PRUNE2: variants seen among roughly 807,000 people sequenced by gnomAD.
The protein encoded by PRUNE2 is protein prune homolog 2.
A neutral mutation model predicts 252.0 loss-of-function variants in PRUNE2; 164 were observed. The observed-to-expected ratio is 0.65, with a 90% CI of 0.57 to 0.74. The LOEUF is 0.74. PRUNE2 is among the 30% of genes least tolerant of loss of function. PRUNE2 has a pLI of 0.00. For synonymous variants in PRUNE2, 1,292 were observed against 1,350.2 expected, an observed-to-expected ratio of 0.96 and a Z score of 0.94; for missense variants, 3,495 against 3,711.0, an observed-to-expected ratio of 0.94 and a Z score of 1.51.
intron 18 of PRUNE2, among the ~76,000 whole-genome samples, chr9:76,616,767 A>T (rs1208527642): frequency 6.6e-6 from 1 of 152,164 alleles, no homozygotes. Flanking sequence ...GAGAACAGCA[A>T]CGTTGTGGAG....
intron 6 of PRUNE2, among the ~76,000 whole-genome samples, chr9:76,806,674 A>ATT (rs750726403): frequency 0.051 from 6,884 of 134,744 alleles, 259 homozygotes; most frequent in Non-Finnish European, 0.069. Context: ...CGCCCGGCTA[A>ATT]TTTTTTTTTT....
At chr9:76,870,750 G>A (rs2061150619) in intron 1 of PRUNE2, among the ~76,000 whole-genome samples, 1 of 151,542 alleles carries the variant, frequency 6.6e-6, no homozygotes, top group Non-Finnish European at 1.5e-5. Flanking sequence ...GATGTTGACA[G>A]TAAGATGTGG....
chr9:76,780,430 G>A (rs1228561991), intron 6 of PRUNE2, among the ~76,000 whole-genome samples: 2 of 152,156 alleles, frequency 1.3e-5, no homozygotes, highest in African/African-American at 4.8e-5. Context: ...GCTCACGCCT[G>A]TAATCCCAGC....
chr9:76,760,295 T>C (rs1387575945), intron 6 of PRUNE2, among the ~76,000 whole-genome samples: 1 of 152,184 alleles, frequency 6.6e-6, no homozygotes, highest in Non-Finnish European at 1.5e-5. Flanking sequence ...ACACACCAGC[T>C]ACTTCCCTGG....
intron 1 of PRUNE2, among the ~76,000 whole-genome samples, chr9:76,870,731 G>A (rs2061148780): frequency 6.6e-6 from 1 of 151,742 alleles, no homozygotes; most frequent in Non-Finnish European, 1.5e-5. Flanking sequence ...TCCAGATGTG[G>A]TGGTAGGGGA....
At chr9:76,667,000 C>G (rs996356942) in intron 9 of PRUNE2, among the ~76,000 whole-genome samples, 2 of 152,036 alleles carry the variant, frequency 1.3e-5, no homozygotes, top group Admixed American at 1.3e-4. Context: ...GAGCCAAGAT[C>G]GCATCATTAC....
Position 76,763,592 on chromosome 9 carries a change from TC to T in PRUNE2, c.757-49872del, listed in dbSNP as rs138930420. Among the ~76,000 whole-genome samples the T allele has an allele frequency of 9.7e-3, 1,482 of 152,274 alleles. 11 individuals are homozygous for T. The highest frequency in any genetic ancestry group is 0.013 in the Non-Finnish European group (904 of 68,016). ...AACAGATGAAGTTTCATATCCCCCG[TC>T]CCCAAGAGAGGATCTGGTGTCGTCT... is the stretch of plus-strand genomic sequence containing the variant. On this transcript the variant is annotated intron_variant, in intron 6 of 18. Transcript: ENST00000376718.
intron 9 of PRUNE2, among the ~76,000 whole-genome samples, chr9:76,666,826 T>C (rs544187083): frequency 2.0e-5 from 3 of 152,288 alleles, no homozygotes; most frequent in African/African-American, 7.2e-5. Context: ...CCACTGACCC[T>C]GTGGGGCTGG....
At chr9:76,837,773 ATTT>A (rs72342125) in intron 4 of PRUNE2, among the ~76,000 whole-genome samples, 6 of 138,368 alleles carry the variant, frequency 4.3e-5, no homozygotes, top group South Asian at 2.3e-4. Flanking sequence ...ACCAAATACT[ATTT>A]TTTTTTTTTT....
chr9:76,719,297 T>C (rs573462191), intron 6 of PRUNE2, among the ~76,000 whole-genome samples: 6 of 151,764 alleles, frequency 4.0e-5, no homozygotes, highest in African/African-American at 1.4e-4. Flanking sequence ...TATAAATCAA[T>C]GAAAAAAGGA....
intron 6 of PRUNE2, among the ~76,000 whole-genome samples, chr9:76,722,373 A>T (rs2047724382): frequency 1.3e-5 from 2 of 151,716 alleles, no homozygotes; most frequent in South Asian, 2.1e-4. Context: ...CCCAGCCTAC[A>T]CTCTATTGTT....
chr9:76,691,864 G>A (rs957427087), intron 9 of PRUNE2: 1 of 559,630 alleles, frequency 1.8e-6, no homozygotes. Context: ...ACGACCACAA[G>A]CTTTTCTAGG....
rs372152771 is a variant in PRUNE2 at position 76,822,679 on chromosome 9, C to T, written c.756+953G>A. 7.9e-5 allele frequency among the ~76,000 whole-genome samples: 12 copies of T among 152,156 alleles called. No homozygotes were observed. The East Asian group carries it at 1.7e-3, about 22-fold the overall frequency. ...AAAATTAGCCAGGAGTGGTGGCGGG[C>T]GCCTTTAATCCCAGCTACTCAGGAG... On this transcript the variant is annotated intron_variant, in intron 6 of 18. Transcript: ENST00000376718.
intron 9 of PRUNE2, among the ~76,000 whole-genome samples, chr9:76,670,788 G>A (rs990580606): frequency 2.3e-3 from 351 of 151,760 alleles, no homozygotes; most frequent in African/African-American, 7.3e-3. Context: ...CCCAGCAGGG[G>A]CACACTGACA....
intron 18 of PRUNE2, among the ~76,000 whole-genome samples, chr9:76,616,137 C>T (rs1270608455): frequency 3.3e-5 from 5 of 152,096 alleles, no homozygotes; most frequent in African/African-American, 4.8e-5. Flanking sequence ...ATCTTGTCTC[C>T]TTTGGAAAGC....
intron 9 of PRUNE2, among the ~76,000 whole-genome samples, chr9:76,686,087 A>AT (rs2044053578): frequency 6.6e-6 from 1 of 152,192 alleles, no homozygotes; most frequent in African/African-American, 2.4e-5. Flanking sequence ...CAGTAATCAT[A>AT]CGGCTCTGCC....
intron 1 of PRUNE2, among the ~76,000 whole-genome samples, chr9:76,876,914 A>T (rs942762404): frequency 1.1e-4 from 16 of 152,208 alleles, no homozygotes; most frequent in Admixed American, 5.9e-4. Flanking sequence ...CATCTGAAAG[A>T]AAGTTGTCTC....
At chr9:76,763,611 T>A (rs989898655) in intron 6 of PRUNE2, among the ~76,000 whole-genome samples, 22 of 152,280 alleles carry the variant, frequency 1.4e-4, no homozygotes, top group African/African-American at 4.8e-4. Context: ...GAGGATCTGG[T>A]GTCGTCTATT....
chr9:76,710,061 A>C lies in PRUNE2; in HGVS notation c.2213T>G (p.Leu738Trp). ...CTCCATGGGCAGGTTCTGGAACGGC[A>C]AGCTTTCCTCATTTTTGTCTTGAAT... is the stretch of plus-strand genomic sequence containing the variant. ...NDIQDKNEES[L>W]PFQNLPMEKS... The change falls in exon 8 of 19, where the codon TTG becomes TGG. Residue 738 changes from leucine to tryptophan, a missense_variant. By Grantham distance (61) the Leu-to-Trp change is moderately conservative (BLOSUM62 -2). Coordinates refer to ENST00000376718, the MANE Select transcript of PRUNE2 (RefSeq NM_015225.3). 6.2e-7 allele frequency: 1 copy of C among 1,613,946 alleles called. No homozygotes were observed. The highest frequency in any genetic ancestry group is 8.5e-7 in the Non-Finnish European group (1 of 1,179,866).
Sources: gnomAD v4.1 joint callset for allele counts (sites outside exome capture counted in the v4.1 genomes callset) on GRCh38, gnomAD v4.1.1 for gene constraint, MANE v1.5 for transcripts, NCBI Gene and HGNC (gene_info 2026-07-23, HGNC 2026-07-21) for gene names.